The following KIF21A variants were observed in gnomAD, a reference collection of about 807,000 sequenced individuals.
KIF21A encodes the protein kinesin-like protein KIF21A.
KIF21A carries 114 observed loss-of-function variants against 202.9 expected under a neutral mutation model. That is an observed-to-expected ratio of 0.56 (90% CI 0.48 to 0.66). The LOEUF is 0.66. Ranked by LOEUF, KIF21A falls within the 30% of genes least tolerant of loss-of-function variation. The pLI, the probability that KIF21A is intolerant of heterozygous loss-of-function variation, is 0.00. For synonymous variants in KIF21A, 667 were observed against 670.8 expected (o/e 0.99, Z 0.09); for missense variants, 1,677 against 1,994.9 (o/e 0.84, Z 3.04).
chr12:39,335,083 T>A (rs1946844197), intron 17 of KIF21A, among the ~76,000 whole-genome samples: 1 of 152,146 alleles, frequency 6.6e-6, no homozygotes, highest in Non-Finnish European at 1.5e-5. Flanking sequence ...GAAGTGCTGA[T>A]ACATGTTATA....
intron 31 of KIF21A, chr12:39,312,669 A>C (rs1261136639): frequency 6.6e-6 from 1 of 151,954 alleles, no homozygotes; most frequent in Non-Finnish European, 1.5e-5. Context: ...AAAAATTTAA[A>C]ATAAAAAAAT....
intron 21 of KIF21A, 43 bp from the exon 22 acceptor site, chr12:39,331,834 G>A (rs778619498): frequency 7.2e-7 from 1 of 1,392,862 alleles, no homozygotes; most frequent in South Asian, 1.2e-5. Flanking sequence ...ACTTTGAGCT[G>A]AAAACAGAAG....
intron 1 of KIF21A, among the ~76,000 whole-genome samples, chr12:39,436,448 A>ATATATATATATATATATATTTTTTT (rs1387332677): frequency 7.3e-5 from 7 of 95,754 alleles, no homozygotes; most frequent in Non-Finnish European, 1.2e-4. Flanking sequence ...ATATATATAT[A>ATATATATATATATATATATTTTTTT]TTTTTTTTTT....
Position 39,307,708 on chromosome 12 carries a change from A to G in KIF21A, c.4299T>C (p.Leu1433=). ...RTLTSSGQVT[L]GDACSASTSR... Reference sequence around the variant, plus strand: ...TGGTACTTGCAGAACAAGCATCTCCAAGAGTAACTTGACCTGAAGACCTTA... The same window carrying G: ...TGGTACTTGCAGAACAAGCATCTCCGAGAGTAACTTGACCTGAAGACCTTA... Residue 1433 remains leucine (L), a synonymous_variant, in exon 34 of 38, where the codon CTT becomes CTC. Coordinates refer to ENST00000361418, the MANE Select transcript of KIF21A (RefSeq NM_001173464.2). 6.2e-7 allele frequency: 1 copy of G among 1,613,950 alleles called. No individual in the cohort carries two copies. The highest frequency in any genetic ancestry group is 8.5e-7 in the Non-Finnish European group (1 of 1,179,860).
At position 39,346,521 on chromosome 12, in the gene KIF21A, C is replaced by T. The variant is rs946895124; in HGVS notation, c.1674-17G>A. On this transcript the variant is annotated splice_polypyrimidine_tract_variant and intron_variant, in intron 11 of 37. Transcript: ENST00000361418. ...TTCTGTAGCCTTCAAAATCACGAGG[C>T]ACAGTATTGGAAGGCCAAGCCAATG... 3 of 1,473,874 alleles carry T rather than the reference C, an allele frequency of 2.0e-6. No homozygotes were observed. The highest frequency in any genetic ancestry group is 2.2e-5 in the Admixed American group (1 of 45,168). The allele number at this position is 1,473,874 out of a possible 1,614,324, so 91.3% of individuals were successfully genotyped here. A position where few individuals can be genotyped will look rare whatever the true frequency, so the allele number is the denominator to read the frequency against.
At chr12:39,436,422 T>TTATATATATA (rs1199818833) in intron 1 of KIF21A, among the ~76,000 whole-genome samples, 1,447 of 98,992 alleles carry the variant, frequency 0.015, 29 homozygotes, top group African/African-American at 0.032. Flanking sequence ...GTTTACTATA[T>TTATATATATA]TATATATATA....
intron 1 of KIF21A, among the ~76,000 whole-genome samples, chr12:39,422,233 T>C (rs902853707): frequency 6.6e-6 from 1 of 152,170 alleles, no homozygotes; most frequent in East Asian, 1.9e-4. Context: ...AGTGCTACGA[T>C]TACATGCATG....
intron 22 of KIF21A, 98 bp downstream of exon 22, chr12:39,331,588 TCTTC>T: frequency 1.2e-6 from 1 of 802,398 alleles, no homozygotes; most frequent in South Asian, 1.4e-5. Context: ...TGAATAATCT[TCTTC>T]CTTATTACAA....
chr12:39,297,246 C>G (rs1041818348), intron 37 of KIF21A, among the ~76,000 whole-genome samples: 2 of 152,072 alleles, frequency 1.3e-5, no homozygotes, highest in Non-Finnish European at 2.9e-5. Context: ...GGTATATACC[C>G]AAAGGACTAT....
intron 12 of KIF21A, among the ~76,000 whole-genome samples, chr12:39,345,100 C>T (rs1294543083): frequency 2.6e-4 from 40 of 152,146 alleles, no homozygotes. Flanking sequence ...TATCAAAATC[C>T]CTAGGAGATC....
intron 31 of KIF21A, 47 bp from the exon 32 acceptor site, chr12:39,311,600 T>G: frequency 6.2e-7 from 1 of 1,605,480 alleles, no homozygotes; most frequent in Non-Finnish European, 8.5e-7. Flanking sequence ...TTCAGTATCA[T>G]GAGACTATAT....
chr12:39,301,595 C>T lies in KIF21A; in HGVS notation c.4816G>A (p.Gly1606Ser). 6.2e-7 allele frequency: 1 copy of T among 1,614,024 alleles called. No homozygotes were observed. The highest frequency in any genetic ancestry group is 1.1e-5 in the South Asian group (1 of 91,076). ...HPVLLSGCRG[G>S]ILKVWNMDTF... is the part of the protein sequence containing the mutation. Reference sequence around the variant, plus strand: ...TCCATGTTCCAGACTTTCAAAATGCCCCCTCTGCAGCCACTGAGCAAAACT... The same window carrying T: ...TCCATGTTCCAGACTTTCAAAATGCTCCCTCTGCAGCCACTGAGCAAAACT... The change falls in exon 37 of 38, where the codon GGC becomes AGC. Residue 1606 changes from glycine (G) to serine (S), a missense_variant. Physicochemically the swap from Gly to Ser is moderately conservative, Grantham distance 56. Transcript: ENST00000361418.
intron 3 of KIF21A, among the ~76,000 whole-genome samples, chr12:39,368,513 G>A (rs1949750354): frequency 6.6e-6 from 1 of 152,066 alleles, no homozygotes; most frequent in African/African-American, 2.4e-5. Context: ...TGTATCAATA[G>A]TGGCTGAAAA....
At chr12:39,309,535 AAAAAAG>A in intron 33 of KIF21A, 45 bp downstream of exon 33, 2 of 1,367,166 alleles carry the variant, frequency 1.5e-6, no homozygotes, top group African/African-American at 2.9e-5. Flanking sequence ...AAAAAAAAAA[AAAAAAG>A]AAGAGCTATT....
intron 1 of KIF21A, among the ~76,000 whole-genome samples, chr12:39,426,806 C>T (rs1954795476): frequency 6.7e-6 from 1 of 149,958 alleles, no homozygotes. Flanking sequence ...ATTGCCTGAA[C>T]CCAGCAGGCA....
intron 1 of KIF21A, among the ~76,000 whole-genome samples, chr12:39,424,830 G>A (rs554529966): frequency 4.6e-5 from 7 of 151,730 alleles, no homozygotes; most frequent in South Asian, 2.1e-4. Context: ...ACCTTGTACC[G>A]AGCAACAAGA....
intron 1 of KIF21A, among the ~76,000 whole-genome samples, chr12:39,408,641 T>C (rs1021460149): frequency 5.9e-5 from 9 of 152,142 alleles, no homozygotes; most frequent in African/African-American, 1.9e-4. Context: ...GAAGATGTGT[T>C]TGGTTAGCTC....
At chr12:39,295,391 T>G (rs1022547422) in intron 37 of KIF21A, among the ~76,000 whole-genome samples, 6 of 152,102 alleles carry the variant, frequency 3.9e-5, no homozygotes, top group East Asian at 1.9e-4. Flanking sequence ...AAAAAATAAA[T>G]AAAGAAGAGT....
intron 1 of KIF21A, among the ~76,000 whole-genome samples, chr12:39,394,359 C>A (rs2139710559): frequency 6.6e-6 from 1 of 152,262 alleles, no homozygotes; most frequent in South Asian, 2.1e-4. Flanking sequence ...CCAAGCAATC[C>A]CTCTTACTGC....
Sources: allele counts gnomAD v4.1 joint callset (sites outside exome capture counted in the v4.1 genomes callset), GRCh38; gene constraint gnomAD v4.1.1; transcripts MANE v1.5; gene names NCBI Gene and HGNC (gene_info 2026-07-23, HGNC 2026-07-21).